Variants in CDC42BPB observed in about 807,000 individuals in gnomAD.
CDC42BPB encodes the protein CDC42 binding protein kinase beta, also known as serine/threonine-protein kinase MRCK beta.
CDC42BPB carries 37 observed loss-of-function variants against 214.9 expected under a neutral mutation model. The observed-to-expected ratio is 0.17, with a 90% CI of 0.13 to 0.23. The LOEUF is 0.23. CDC42BPB is among the 10% of genes least tolerant of loss of function. The pLI is 1.00. For synonymous variants in CDC42BPB, 931 were observed against 884.0 expected (o/e 1.05, Z -0.94); for missense variants, 1,694 against 2,227.0 (o/e 0.76, Z 4.82).
At chr14:102,983,427 T>C (rs1168362628) in intron 7 of CDC42BPB, 129 bp downstream of exon 7, 5 of 1,426,400 alleles carry the variant, frequency 3.5e-6, no homozygotes, top group Admixed American at 4.6e-5. Flanking sequence ...CCCAGTTTGG[T>C]CCAAACCCCG....
chr14:103,038,166 C>G (rs1887776928), intron 1 of CDC42BPB, among the ~76,000 whole-genome samples: 1 of 151,214 alleles, frequency 6.6e-6, no homozygotes, highest in Non-Finnish European at 1.5e-5. Context: ...GAAACCCCGT[C>G]TCTACTAAAA....
At chr14:103,039,449 C>T (rs1595180421) in intron 1 of CDC42BPB, among the ~76,000 whole-genome samples, 1 of 152,170 alleles carries the variant, frequency 6.6e-6, no homozygotes, top group East Asian at 1.9e-4. Context: ...GGGATTCATC[C>T]CAGGAATGTG....
chr14:103,032,074 C>T (rs895461279), intron 1 of CDC42BPB, among the ~76,000 whole-genome samples: 15 of 151,804 alleles, frequency 9.9e-5, no homozygotes, highest in Non-Finnish European at 1.0e-4. Context: ...CACCAGCCGG[C>T]GGCCAGCCTT....
At chr14:102,971,821 C>G in intron 13 of CDC42BPB, 98 bp downstream of exon 13, 8 of 1,278,142 alleles carry the variant, frequency 6.3e-6, no homozygotes, top group Non-Finnish European at 8.7e-6. Context: ...AAATTTCTGA[C>G]CCCTTTTACA....
At chr14:103,016,255 G>A (rs979500793) in intron 1 of CDC42BPB, among the ~76,000 whole-genome samples, 29 of 152,254 alleles carry the variant, frequency 1.9e-4, no homozygotes, top group Admixed American at 1.3e-3. Context: ...ACCAGTGGCC[G>A]ACTGCCAGAA....
At chr14:102,941,530 C>T (rs1891888473) in intron 30 of CDC42BPB, 1 of 985,292 alleles carries the variant, frequency 1.0e-6, no homozygotes, top group South Asian at 4.7e-5. Flanking sequence ...CAAAAGCAGC[C>T]CCAGACACTG....
At chr14:102,985,813 G>A (rs149004173) in intron 6 of CDC42BPB, among the ~76,000 whole-genome samples, 24 of 152,398 alleles carry the variant, frequency 1.6e-4, no homozygotes, top group Admixed American at 1.1e-3. Context: ...CGCAGTGAAA[G>A]CAGTTTGCTG....
At chr14:102,945,072 G>A (rs949627143) in intron 29 of CDC42BPB, 1 of 345,614 alleles carries the variant, frequency 2.9e-6, no homozygotes. Context: ...TCCCCACAGA[G>A]CTGCCAGGGT....
intron 1 of CDC42BPB, among the ~76,000 whole-genome samples, chr14:103,020,713 C>A (rs1886724119): frequency 6.6e-6 from 1 of 152,200 alleles, no homozygotes; most frequent in Admixed American, 6.5e-5. Flanking sequence ...AGCGCCTTGG[C>A]CCGCACGTGG....
intron 26 of CDC42BPB, 63 bp from the exon 27 acceptor site, chr14:102,947,865 C>CGCCCTGCCCT (rs879720441): frequency 1.8e-4 from 281 of 1,600,030 alleles, no homozygotes; most frequent in Non-Finnish European, 2.1e-4. Context: ...GGCCCTCCCA[C>CGCCCTGCCCT]GCCCTGCCCT....
At chr14:103,040,174 G>A in intron 1 of CDC42BPB, among the ~76,000 whole-genome samples, 1 of 152,086 alleles carries the variant, frequency 6.6e-6, no homozygotes, top group East Asian at 1.9e-4. Flanking sequence ...GGCCAACATG[G>A]TGAAACCCTG....
chr14:102,956,742 T>C (rs1376686916), intron 21 of CDC42BPB, among the ~76,000 whole-genome samples: 1 of 152,060 alleles, frequency 6.6e-6, no homozygotes, highest in East Asian at 1.9e-4. Flanking sequence ...GGCAGGAGAA[T>C]CGCTTGAGCC....
intron 14 of CDC42BPB, among the ~76,000 whole-genome samples, chr14:102,969,792 G>A (rs1297682534): frequency 6.6e-6 from 1 of 152,250 alleles, no homozygotes; most frequent in Non-Finnish European, 1.5e-5. Flanking sequence ...CGGGCTTTAA[G>A]GAGCTTTTCC....
rs1318948609 is a variant in CDC42BPB at position 103,057,544 on chromosome 14, G to GAGCCCGACCCC, written c.-372_-371insGGGGTCGGGCT. The GAGCCCGACCCC allele has an allele frequency of 6.6e-6, 1 of 151,106 alleles. No homozygotes were observed. The highest frequency in any genetic ancestry group is 1.4e-5 in the Non-Finnish European group (1 of 69,736). The allele number at this position is 151,106 out of a possible 1,614,324, so 9.4% of individuals were successfully genotyped here. On this transcript the variant is annotated 5_prime_UTR_variant, in exon 1 of 37. Transcript: ENST00000361246. Reference sequence around the variant, plus strand: ...CGCTGCGCAAGCCCGGCCGGCGCCCGAGCCCGACCCCAGCCCCGACCCGGC... The same window carrying GAGCCCGACCCC: ...CGCTGCGCAAGCCCGGCCGGCGCCCGAGCCCGACCCCAGCCCGACCCCAGCCCCGACCCGGC...
At chr14:102,960,798 A>G (rs1234004803) in intron 20 of CDC42BPB, among the ~76,000 whole-genome samples, 3 of 152,234 alleles carry the variant, frequency 2.0e-5, no homozygotes, top group Non-Finnish European at 4.4e-5. Context: ...GCCATTAGCA[A>G]AAGATAAAAC....
At chr14:102,942,411 G>C (rs1339693785) in intron 30 of CDC42BPB, among the ~76,000 whole-genome samples, 3 of 152,226 alleles carry the variant, frequency 2.0e-5, no homozygotes, top group Admixed American at 6.5e-5. Flanking sequence ...AGGTAACTGA[G>C]GGAGAATGTC....
In CDC42BPB at chr14:102,944,320, C is replaced by T. The variant is rs1465064771; in HGVS notation, c.3979G>A (p.Gly1327Ser). Residue 1327 changes from glycine (G) to serine (S), a missense_variant, in exon 30 of 37, where the codon GGC (glycine) becomes AGC (serine). By Grantham distance (56) the Gly-to-Ser change is moderately conservative. Around this residue, in one of 7 missense-constraint regions of CDC42BPB, gnomAD observed 567 missense variants for 790.3 expected, o/e 0.72. Coordinates refer to ENST00000361246, the MANE Select transcript of CDC42BPB (RefSeq NM_006035.4). The surrounding 1 kb of genome is among the most constrained non-coding windows in gnomAD (Gnocchi z 6.6). The stretch of plus-strand genomic sequence containing the variant: ...GTGGCCGTGGCCATGAGCTGGCAGC[C>T]TTTGGTTTCCGGAAGCTTGATGTCA... ...SFDIKLPETK[G>S]CQLMATATLK... The T allele has an allele frequency of 1.2e-6, 2 of 1,612,992 alleles. No homozygotes were observed. The highest frequency in any genetic ancestry group is 2.2e-5 in the East Asian group (1 of 44,896).
chr14:102,938,451 A>C (rs1891739831), intron 34 of CDC42BPB, 40 bp from the exon 35 acceptor site: 1 of 1,507,040 alleles, frequency 6.6e-7, no homozygotes, highest in Admixed American at 2.3e-5. Flanking sequence ...CTTGGTTGAC[A>C]CCCGGCAGGG....
chr14:102,973,980 C>T, intron 12 of CDC42BPB, 36 bp downstream of exon 12: 1 of 1,579,938 alleles, frequency 6.3e-7, no homozygotes, highest in Non-Finnish European at 8.6e-7. Context: ...CTGCAAAGTC[C>T]CGTAAGCCTT....
Sources: allele counts gnomAD v4.1 joint callset (sites outside exome capture counted in the v4.1 genomes callset), GRCh38; gene constraint gnomAD v4.1.1; regional missense constraint gnomAD v4.1.1; non-coding constraint Gnocchi (gnomAD v3.1); transcripts MANE v1.5; gene names NCBI Gene and HGNC (gene_info 2026-07-23, HGNC 2026-07-21).